Variants in PCDHA2 observed in about 807,000 individuals in gnomAD.
PCDHA2 encodes the protein protocadherin alpha 2, also known as protocadherin alpha-2.
PCDHA2 carries 58 observed loss-of-function variants against 66.0 expected under a neutral mutation model. The observed-to-expected ratio is 0.88, with a 90% CI of 0.71 to 1.09. PCDHA2 has a LOEUF of 1.09. Among genes scored for constraint, PCDHA2 ranks in the 50% least tolerant of loss-of-function variants. The pLI, the probability that PCDHA2 is intolerant of heterozygous loss-of-function variation, is 0.00. For synonymous variants in PCDHA2, 634 were observed against 554.0 expected (o/e 1.14, Z -2.03); for missense variants, 1,267 against 1,242.3 (o/e 1.02, Z -0.30).
intron 1 of PCDHA2, chr5:140,807,871 A>T: frequency 6.2e-7 from 1 of 1,614,112 alleles, no homozygotes. Flanking sequence ...CCGTTCAGTT[A>T]CTCATCACAG....
At chr5:140,872,878 C>G (rs1582101357) in intron 1 of PCDHA2, among the ~76,000 whole-genome samples, 1 of 152,160 alleles carries the variant, frequency 6.6e-6, no homozygotes, top group East Asian at 1.9e-4. Flanking sequence ...TTATCAGTTT[C>G]ATTCATCTCA....
chr5:140,857,763 C>T (rs782102895), intron 1 of PCDHA2: 4 of 1,597,078 alleles, frequency 2.5e-6, no homozygotes, highest in East Asian at 2.2e-5. Context: ...GCTGGCAGCG[C>T]GGGCGGTGCA....
chr5:140,801,053 G>T, intron 1 of PCDHA2: 2 of 1,443,786 alleles, frequency 1.4e-6, no homozygotes, highest in Non-Finnish European at 1.8e-6. Context: ...AAATAACAGC[G>T]TGCATTACGT....
intron 1 of PCDHA2, among the ~76,000 whole-genome samples, chr5:140,925,287 A>G (rs905857397): frequency 4.7e-4 from 72 of 152,294 alleles, no homozygotes; most frequent in African/African-American, 1.7e-3. Context: ...TGCCTTTCAA[A>G]TGTTTCATTA....
chr5:140,961,155 G>A (rs1214072320), intron 1 of PCDHA2, among the ~76,000 whole-genome samples: 2 of 152,126 alleles, frequency 1.3e-5, no homozygotes, highest in Non-Finnish European at 2.9e-5. Context: ...TATTATTTCA[G>A]TACATATCTA....
At chr5:140,954,361 C>T (rs782543125) in intron 1 of PCDHA2, among the ~76,000 whole-genome samples, 18 of 152,220 alleles carry the variant, frequency 1.2e-4, no homozygotes, top group Non-Finnish European at 2.2e-4. Context: ...AATCGCCACA[C>T]AGTCTCCCAC....
At chr5:140,802,043 T>C (rs782776274) in intron 1 of PCDHA2, 1 of 1,614,190 alleles carries the variant, frequency 6.2e-7, no homozygotes, top group East Asian at 2.2e-5. Flanking sequence ...ATTCTTTCAA[T>C]ACGGACATGT....
intron 1 of PCDHA2, chr5:140,830,021 C>T (rs782587732): frequency 1.9e-6 from 3 of 1,613,800 alleles, no homozygotes; most frequent in African/African-American, 2.7e-5. Context: ...GGACTCTCCG[C>T]GCCACCGGCT....
At chr5:140,863,608 T>C (rs548888922) in intron 1 of PCDHA2, 1 of 349,702 alleles carries the variant, frequency 2.9e-6, no homozygotes, top group Non-Finnish European at 5.6e-6. Flanking sequence ...CCTATTAATG[T>C]CCCTCATAGT....
In PCDHA2 at chr5:140,923,554, G is replaced by T. The variant is rs117642898; in HGVS notation, c.2389-55395G>T. Among the ~76,000 whole-genome samples the T allele has an allele frequency of 6.2e-4, 95 of 152,226 alleles. No individual in the cohort carries two copies. The East Asian group carries it at 0.017, about 28-fold the overall frequency. On this transcript the variant is annotated intron_variant, in intron 1 of 3. Coordinates refer to ENST00000526136, the MANE Select transcript of PCDHA2 (RefSeq NM_018905.3). ...AAAAAAAGGACAAAATGAAATATCA[G>T]CAATGAAAGGTCCTGCTAAAGAGAA...
intron 1 of PCDHA2, among the ~76,000 whole-genome samples, chr5:140,933,676 A>AT (rs1400784175): frequency 6.6e-6 from 1 of 151,552 alleles, no homozygotes; most frequent in Non-Finnish European, 1.5e-5. Context: ...TCTCTCTCAC[A>AT]TTTTTTTTCC....
At chr5:140,856,434 C>A in intron 1 of PCDHA2, 2 of 1,598,320 alleles carry the variant, frequency 1.3e-6, no homozygotes, top group Non-Finnish European at 1.7e-6. Flanking sequence ...AACGACAACC[C>A]GCCCAGGTTC....
intron 1 of PCDHA2, chr5:140,816,924 A>G (rs1766027278): frequency 6.6e-6 from 1 of 152,074 alleles, no homozygotes; most frequent in Admixed American, 6.5e-5. Context: ...GATTCTGCTG[A>G]ATCCTATCAG....
At chr5:140,829,978 C>T (rs2150179032) in intron 1 of PCDHA2, 1 of 1,613,968 alleles carries the variant, frequency 6.2e-7, no homozygotes, top group South Asian at 1.1e-5. Context: ...TGTACACGGG[C>T]GAGATCAGCA....
At chr5:140,811,652 C>G (rs1764929730) in intron 1 of PCDHA2, 1 of 152,216 alleles carries the variant, frequency 6.6e-6, no homozygotes, top group Non-Finnish European at 1.5e-5. Context: ...CACATCCTCT[C>G]CAGCATGTGT....
intron 1 of PCDHA2, chr5:140,876,415 G>A (rs782679956): frequency 6.2e-7 from 1 of 1,613,960 alleles, no homozygotes. Flanking sequence ...AGAGAATAAT[G>A]CCTATGAAAT....
intron 1 of PCDHA2, among the ~76,000 whole-genome samples, chr5:140,933,965 T>A (rs1400091615): frequency 2.6e-5 from 4 of 152,064 alleles, no homozygotes; most frequent in Non-Finnish European, 5.9e-5. Flanking sequence ...GTAGTGATGT[T>A]TCCCTTTTCA....
At chr5:140,997,668 TTGTGTGTGTGTG>T (rs35184029) in intron 3 of PCDHA2, among the ~76,000 whole-genome samples, 3 of 148,244 alleles carry the variant, frequency 2.0e-5, no homozygotes, top group South Asian at 2.2e-4. Context: ...ATTATACAGC[TTGTGTGTGTGTG>T]TGTGTGTGTG....
chr5:140,883,668 A>G (rs782191858), intron 1 of PCDHA2: 16 of 1,613,456 alleles, frequency 9.9e-6, no homozygotes, highest in Non-Finnish European at 1.4e-5. Flanking sequence ...GTGAAGGAAA[A>G]CAATCCGCCG....
Sources: allele counts gnomAD v4.1 joint callset (sites outside exome capture counted in the v4.1 genomes callset), GRCh38; gene constraint gnomAD v4.1.1; transcripts MANE v1.5; gene names NCBI Gene and HGNC (gene_info 2026-07-23, HGNC 2026-07-21).